The following RNF217 variants were observed in gnomAD, a reference collection of about 807,000 sequenced individuals.
RNF217 encodes the protein ring finger protein 217.
RNF217 carries 31 observed loss-of-function variants against 57.8 expected under a neutral mutation model. That is an observed-to-expected ratio of 0.54 (90% CI 0.40 to 0.72). The LOEUF (loss-of-function observed/expected upper bound fraction) is 0.72, where lower values mean the gene tolerates loss of function less well. RNF217 is among the 30% of genes least tolerant of loss of function. RNF217 has a pLI of 0.00. For synonymous variants in RNF217, 313 were observed against 294.0 expected (o/e 1.06, Z -0.66); for missense variants, 696 against 708.3 (o/e 0.98, Z 0.20).
chr6:124,988,746 C>T (rs1359490577), intron 1 of RNF217, among the ~76,000 whole-genome samples: 1 of 152,140 alleles, frequency 6.6e-6, no homozygotes, highest in African/African-American at 2.4e-5. Context: ...GTTCTTTAAT[C>T]GTTAACACCT....
chr6:125,034,803 A>G (rs1185442749), intron 1 of RNF217, among the ~76,000 whole-genome samples: 1 of 151,990 alleles, frequency 6.6e-6, no homozygotes, highest in Admixed American at 6.6e-5. Flanking sequence ...GGCCATTTTC[A>G]CGATATTGAT....
chr6:125,004,642 G>A (rs1394183675), intron 1 of RNF217, among the ~76,000 whole-genome samples: 1 of 152,186 alleles, frequency 6.6e-6, no homozygotes, highest in Non-Finnish European at 1.5e-5. Flanking sequence ...TGCTGTGAAG[G>A]CCTAAGTCTT....
At chr6:124,988,080 C>T (rs778484191) in intron 1 of RNF217, among the ~76,000 whole-genome samples, 34 of 152,108 alleles carry the variant, frequency 2.2e-4, no homozygotes, top group Admixed American at 8.5e-4. Context: ...ATCAGGTCAG[C>T]GAAGGCATCA....
At chr6:125,055,565 T>G (rs1272982127) in intron 2 of RNF217, among the ~76,000 whole-genome samples, 1 of 152,218 alleles carries the variant, frequency 6.6e-6, no homozygotes, top group Non-Finnish European at 1.5e-5. Flanking sequence ...ATCTTTACAT[T>G]CATTCTAATA....
chr6:125,016,823 C>G (rs947945175), intron 1 of RNF217, among the ~76,000 whole-genome samples: 24 of 151,990 alleles, frequency 1.6e-4, no homozygotes, highest in African/African-American at 5.1e-4. Context: ...TTAGGTAATA[C>G]CTAATATAGA....
At chr6:125,079,513 T>C (rs867505548) in intron 4 of RNF217, among the ~76,000 whole-genome samples, 34 of 151,698 alleles carry the variant, frequency 2.2e-4, no homozygotes, top group African/African-American at 8.0e-4. Context: ...TTCAAAAATA[T>C]TCAGTGTTAC....
At chr6:125,006,036 G>T (rs928026521) in intron 1 of RNF217, 1 of 152,194 alleles carries the variant, frequency 6.6e-6, no homozygotes, top group Non-Finnish European at 1.5e-5. Flanking sequence ...ACGCTGCCAG[G>T]CCCAGGAAAG....
At chr6:125,072,345 TA>T (rs1482099497) in intron 3 of RNF217, among the ~76,000 whole-genome samples, 1 of 152,192 alleles carries the variant, frequency 6.6e-6, no homozygotes, top group Non-Finnish European at 1.5e-5. Flanking sequence ...ATTATGTGTA[TA>T]AAATACTCAA....
At chr6:124,992,375 A>T (rs750296148) in intron 1 of RNF217, among the ~76,000 whole-genome samples, 2 of 152,146 alleles carry the variant, frequency 1.3e-5, no homozygotes, top group Admixed American at 1.3e-4. Flanking sequence ...AAACTTGATA[A>T]ATAATAGTCA....
chr6:124,964,532 G>A lies in RNF217; in HGVS notation c.882+1106G>A, dbSNP rs577623912. On this transcript the variant is annotated intron_variant, in intron 1 of 5. Transcript: ENST00000521654. ...GCTGGGACAAACTGAACAGGGCTCC[G>A]TACCATGTGATTCCTCTATGTTTTT... Among the ~76,000 whole-genome samples the A allele has an allele frequency of 6.8e-4, 103 of 152,258 alleles. 3 individuals are homozygous for A. The South Asian group carries it at 0.02, about 29-fold the overall frequency.
intron 1 of RNF217, among the ~76,000 whole-genome samples, chr6:125,015,123 A>T (rs1046701119): frequency 2.6e-5 from 4 of 152,212 alleles, no homozygotes; most frequent in Non-Finnish European, 5.9e-5. Flanking sequence ...ACCAATGTGT[A>T]TGCTATCTGG....
At chr6:125,044,852 C>T (rs1037093012) in intron 1 of RNF217, among the ~76,000 whole-genome samples, 11 of 152,024 alleles carry the variant, frequency 7.2e-5, no homozygotes, top group Non-Finnish European at 1.6e-4. Context: ...TGCCTGACCC[C>T]GCAGTTCTTG....
rs1231219393 is a variant in RNF217, at chr6:125,090,224, A to AT, written c.*7292dup. The AT allele has an allele frequency of 6.6e-6, 1 of 152,042 alleles. No homozygotes were observed. Among genetic ancestry groups the AT allele is most frequent in the East Asian group, 1.9e-4 (1 of 5,190 alleles). 9.4% of individuals were successfully genotyped at this position (152,042 alleles called of 1,614,324 possible). On this transcript the variant is annotated 3_prime_UTR_variant, in exon 6 of 6. Transcript: ENST00000521654. ...CCTTGACAAGGACAATCTGTTACAG[A>AT]TTTTTAATATGAAAATTGACAATTT...
intron 1 of RNF217, among the ~76,000 whole-genome samples, chr6:124,994,281 C>G (rs1729850963): frequency 6.6e-6 from 1 of 152,154 alleles, no homozygotes; most frequent in Non-Finnish European, 1.5e-5. Context: ...TGTTGCGTAT[C>G]TATTCCCACT....
intron 1 of RNF217, among the ~76,000 whole-genome samples, chr6:125,010,070 A>G (rs1785360358): frequency 6.6e-6 from 1 of 151,136 alleles, no homozygotes; most frequent in Non-Finnish European, 1.5e-5. Context: ...GGGGAAGAGA[A>G]GACTGCAGTT....
At position 124,963,167 on chromosome 6, in the gene RNF217, G is replaced by T. The variant is rs1400906141; in HGVS notation, c.623G>T (p.Arg208Leu). The T allele has an allele frequency of 1.3e-6, 2 of 1,535,648 alleles. No individual in the cohort carries two copies. Among genetic ancestry groups the T allele is most frequent in the Non-Finnish European group, 1.7e-6 (2 of 1,146,736 alleles). Reference protein sequence around the residue: ...PSTRSSFPSPRLSLPTDSLSP... With the variant: ...PSTRSSFPSPLLSLPTDSLSP... ...ACCCGCTCTTCCTTCCCCAGCCCCC[G>T]ACTGTCCCTCCCAACGGATTCCCTC... The change falls in exon 1 of 6, where the codon CGA becomes CTA. Residue 208 changes from arginine to leucine, a missense_variant. Physicochemically the swap from Arg to Leu is moderately radical, Grantham distance 102 (BLOSUM62 -2). Coordinates refer to ENST00000521654, the MANE Select transcript of RNF217 (RefSeq NM_001286398.3).
intron 1 of RNF217, among the ~76,000 whole-genome samples, chr6:124,964,195 T>C (rs2114969707): frequency 6.6e-6 from 1 of 152,338 alleles, no homozygotes; most frequent in Non-Finnish European, 1.5e-5. Flanking sequence ...CCAGCAGTTT[T>C]CAATCTGTGA....
chr6:125,029,167 C>G (rs1281939606), intron 1 of RNF217, among the ~76,000 whole-genome samples: 2 of 152,158 alleles, frequency 1.3e-5, no homozygotes, highest in Non-Finnish European at 2.9e-5. Context: ...TATATTCTTT[C>G]AGCATGGAAG....
intron 3 of RNF217, 111 bp downstream of exon 3, chr6:125,058,217 A>T: frequency 2.3e-6 from 2 of 885,236 alleles, no homozygotes; most frequent in Non-Finnish European, 3.1e-6. Context: ...TATGTGGAAA[A>T]AGAGTATTGC....
Sources: allele counts gnomAD v4.1 joint callset (sites outside exome capture counted in the v4.1 genomes callset), GRCh38; gene constraint gnomAD v4.1.1; transcripts MANE v1.5; gene names NCBI Gene and HGNC (gene_info 2026-07-23, HGNC 2026-07-21).